GRID2: variants seen among roughly 807,000 people sequenced by gnomAD.
GRID2 encodes the protein glutamate ionotropic receptor delta type subunit 2.
In GRID2, 33 loss-of-function variants were observed where a neutral mutation model predicts 114.8. The ratio of observed to expected loss-of-function variants is 0.29; its 90% confidence interval spans 0.22 to 0.38. The LOEUF is 0.38. Ranked by LOEUF, GRID2 falls within the 10% of genes least tolerant of loss-of-function variation. GRID2 has a pLI of 1.00. For synonymous variants in GRID2, 505 were observed against 449.9 expected (o/e 1.12, Z -1.55); for missense variants, 1,184 against 1,257.7 (o/e 0.94, Z 0.89).
At chr4:92,435,647 A>G (rs1208928745) in intron 1 of GRID2, among the ~76,000 whole-genome samples, 1 of 152,164 alleles carries the variant, frequency 6.6e-6, no homozygotes, top group Non-Finnish European at 1.5e-5. Context: ...TTCTACAAGA[A>G]CTTTCCGAGC....
intron 8 of GRID2, among the ~76,000 whole-genome samples, chr4:93,297,527 G>T (rs1201611517): frequency 6.6e-6 from 1 of 152,164 alleles, no homozygotes. Context: ...TGAAATTCGG[G>T]CTCTGCAATG....
intron 4 of GRID2, among the ~76,000 whole-genome samples, chr4:93,206,332 C>T (rs547939468): frequency 1.3e-5 from 2 of 151,998 alleles, no homozygotes; most frequent in African/African-American, 4.8e-5. Flanking sequence ...CACCTCTTAG[C>T]AGGTGTTTCT....
At chr4:92,423,979 G>T (rs977956838) in intron 1 of GRID2, among the ~76,000 whole-genome samples, 1 of 152,062 alleles carries the variant, frequency 6.6e-6, no homozygotes, top group African/African-American at 2.4e-5. Context: ...AAGGCTCTGG[G>T]CTTCTATGCT....
Position 93,769,693 on chromosome 4 carries a change from T to C in GRID2, c.2601+243T>C, listed in dbSNP as rs188634329. On this transcript the variant is annotated intron_variant, in intron 15 of 15. Transcript: ENST00000282020. ...GAAAGACTTAGAAATTCATATACCA[T>C]AATGGGCTTTGAAATTCTCTCAAAT... is the stretch of plus-strand genomic sequence containing the variant. Among the ~76,000 whole-genome samples the C allele has an allele frequency of 1.4e-3, 210 of 152,344 alleles. 2 individuals are homozygous for C. The highest frequency in any genetic ancestry group is 2.5e-3 in the Non-Finnish European group (171 of 68,028).
chr4:93,608,986 T>G (rs1007115344), intron 13 of GRID2, among the ~76,000 whole-genome samples: 3 of 116,012 alleles, frequency 2.6e-5, no homozygotes, highest in Non-Finnish European at 3.8e-5. Context: ...GTTTCCTGAC[T>G]TTTTAATGAT....
At chr4:93,477,499 A>G (rs1395521099) in intron 11 of GRID2, among the ~76,000 whole-genome samples, 1 of 152,126 alleles carries the variant, frequency 6.6e-6, no homozygotes, top group African/African-American at 2.4e-5. Context: ...TTCGACCAAA[A>G]CATTCAATTT....
intron 1 of GRID2, among the ~76,000 whole-genome samples, chr4:92,401,301 C>T (rs1471806058): frequency 6.6e-6 from 1 of 152,112 alleles, no homozygotes; most frequent in African/African-American, 2.4e-5. Context: ...AACTAGAAAG[C>T]AGATATTACA....
chr4:92,401,015 A>T (rs1730763544), intron 1 of GRID2, among the ~76,000 whole-genome samples: 1 of 152,166 alleles, frequency 6.6e-6, no homozygotes, highest in Non-Finnish European at 1.5e-5. Flanking sequence ...TGATTTGCAA[A>T]AACTTTCTCC....
At chr4:93,034,628 T>C (rs1395522973) in intron 2 of GRID2, among the ~76,000 whole-genome samples, 1 of 152,170 alleles carries the variant, frequency 6.6e-6, no homozygotes, top group Admixed American at 6.5e-5. Flanking sequence ...GTGTGACCTT[T>C]ATTTAGTGCA....
At chr4:93,746,881 A>G (rs1385294341) in intron 14 of GRID2, among the ~76,000 whole-genome samples, 1 of 152,102 alleles carries the variant, frequency 6.6e-6, no homozygotes, top group Non-Finnish European at 1.5e-5. Flanking sequence ...TCCCTAAGAA[A>G]TTAACTCTTT....
intron 8 of GRID2, among the ~76,000 whole-genome samples, chr4:93,359,565 C>G (rs1338762452): frequency 1.3e-5 from 2 of 151,400 alleles, no homozygotes; most frequent in African/African-American, 4.8e-5. Flanking sequence ...TCTCTAGCCA[C>G]CCGCTACTCT....
chr4:92,670,507 A>G (rs980821347), intron 2 of GRID2, among the ~76,000 whole-genome samples: 6 of 152,100 alleles, frequency 3.9e-5, no homozygotes, highest in Non-Finnish European at 7.4e-5. Context: ...ATGCTTATGA[A>G]CATTAGGTAA....
chr4:93,780,642 A>C (rs1236115881), intron 1 of GRID2, among the ~76,000 whole-genome samples: 1 of 152,320 alleles, frequency 6.6e-6, no homozygotes, highest in South Asian at 2.1e-4. Context: ...TTTTAAGTAG[A>C]GTGCAATAGG....
chr4:92,682,244 A>G (rs766522324), intron 2 of GRID2, among the ~76,000 whole-genome samples: 1 of 152,178 alleles, frequency 6.6e-6, no homozygotes, highest in Non-Finnish European at 1.5e-5. Context: ...AGCCAGGTCT[A>G]AGACACCTTT....
At chr4:93,590,624 G>C (rs985170958) in intron 13 of GRID2, among the ~76,000 whole-genome samples, 3 of 152,086 alleles carry the variant, frequency 2.0e-5, no homozygotes, top group Non-Finnish European at 4.4e-5. Flanking sequence ...GGATAGCATT[G>C]AATCTGTAAA....
Position 92,752,240 on chromosome 4 carries a change from A to G in GRID2, c.244+161954A>G, listed in dbSNP as rs968439904. ...GAAAGTCAAGCCTTATAGCTTTCCA[A>G]TCCTTTGAAGCAAGATGTAATTCTT... On this transcript the variant is annotated intron_variant, in intron 2 of 15. Transcript: ENST00000282020. Among the ~76,000 whole-genome samples the G allele has an allele frequency of 3.6e-4, 55 of 152,184 alleles. 1 individual carries two copies. The highest frequency in any genetic ancestry group is 2.2e-4 in the Non-Finnish European group (15 of 68,032).
chr4:92,981,398 A>C (rs1754201969), intron 2 of GRID2, among the ~76,000 whole-genome samples: 2 of 152,072 alleles, frequency 1.3e-5, no homozygotes, highest in Admixed American at 6.6e-5. Context: ...ATCTAGTTGT[A>C]ACAGTAAAAG....
intron 11 of GRID2, among the ~76,000 whole-genome samples, chr4:93,469,873 TTG>T (rs1301641157): frequency 6.6e-6 from 1 of 152,134 alleles, no homozygotes; most frequent in Non-Finnish European, 1.5e-5. Context: ...TTGCAAATAG[TTG>T]TATAGATTAG....
chr4:93,792,493 AT>A (rs1001520668), intron 1 of GRID2, among the ~76,000 whole-genome samples: 3 of 152,042 alleles, frequency 2.0e-5, no homozygotes, highest in Admixed American at 2.0e-4. Context: ...TGAATTGACC[AT>A]TTTCTTCCTC....
Sources: gnomAD v4.1 joint callset for allele counts (sites outside exome capture counted in the v4.1 genomes callset) on GRCh38, gnomAD v4.1.1 for gene constraint, MANE v1.5 for transcripts, NCBI Gene and HGNC (gene_info 2026-07-23, HGNC 2026-07-21) for gene names.